FRMD4A: variants seen among roughly 807,000 people sequenced by gnomAD.
FRMD4A encodes FERM domain containing 4A.
In FRMD4A, 29 loss-of-function variants were observed where a neutral mutation model predicts 129.1. The ratio of observed to expected loss-of-function variants is 0.22; its 90% CI spans 0.17 to 0.31. FRMD4A has a LOEUF of 0.31. FRMD4A is among the 10% of genes least tolerant of loss of function. FRMD4A has a pLI of 1.00. For missense variants in FRMD4A, 1,272 were observed against 1,375.8 expected (o/e 0.92, Z 1.19); for synonymous variants, 634 against 571.6 (o/e 1.11, Z -1.56).
At chr10:14,238,342 T>TG (rs753921038) in intron 2 of FRMD4A, among the ~76,000 whole-genome samples, 48 of 152,210 alleles carry the variant, frequency 3.2e-4, no homozygotes, top group Non-Finnish European at 5.1e-4. Flanking sequence ...AGTCCAGGCC[T>TG]GAGTCTTAAC....
chr10:14,132,057 G>A (rs1323039273), intron 2 of FRMD4A, among the ~76,000 whole-genome samples: 5 of 152,150 alleles, frequency 3.3e-5, no homozygotes, highest in East Asian at 1.9e-4. Flanking sequence ...AGGCCAAGAC[G>A]GGCAAATTAC....
chr10:13,707,926 T>A, intron 12 of FRMD4A: 1 of 981,462 alleles, frequency 1.0e-6, no homozygotes, highest in Non-Finnish European at 1.2e-6. Flanking sequence ...TGGAAGTAAT[T>A]AGGGCTGCAT....
At chr10:13,841,002 G>C (rs2130974477) in intron 3 of FRMD4A, among the ~76,000 whole-genome samples, 1 of 152,154 alleles carries the variant, frequency 6.6e-6, no homozygotes, top group East Asian at 1.9e-4. Flanking sequence ...AAGCTACTAG[G>C]GAGGCTGAGG....
intron 3 of FRMD4A, among the ~76,000 whole-genome samples, chr10:13,812,775 G>A (rs1239058100): frequency 2.6e-5 from 4 of 152,202 alleles, no homozygotes; most frequent in Non-Finnish European, 5.9e-5. Context: ...GACAGGAATG[G>A]ACAGGAGAAC....
intron 2 of FRMD4A, among the ~76,000 whole-genome samples, chr10:14,175,620 G>A (rs1841694659): frequency 6.6e-6 from 1 of 151,130 alleles, no homozygotes; most frequent in African/African-American, 2.4e-5. Context: ...GAACTACTGG[G>A]TTCAAGAGAT....
rs747364370 is a variant in FRMD4A at position 13,884,208 on chromosome 10, T to TCACA, written c.46-25300_46-25297dup. 3.0e-3 allele frequency among the ~76,000 whole-genome samples: 243 copies of TCACA among 81,740 alleles called. 6 individuals are homozygous for TCACA. Among genetic ancestry groups the TCACA allele is most frequent in the African/African-American group, 9.8e-3 (205 of 20,894 alleles). The allele number at this position is 81,740 out of a possible 152,430, so 53.6% of individuals were successfully genotyped here. The stretch of plus-strand genomic sequence containing the variant: ...CACACACACACACTCACACACACAC[T>TCACA]CACACACACACACACACACACACAC... On this transcript the variant is annotated intron_variant, in intron 2 of 24. Transcript: ENST00000357447.
chr10:13,791,614 G>A (rs953916206), intron 5 of FRMD4A, among the ~76,000 whole-genome samples: 2 of 152,172 alleles, frequency 1.3e-5, no homozygotes, highest in East Asian at 1.9e-4. Flanking sequence ...GGAAATGGAC[G>A]CGAAATTGCC....
chr10:13,992,079 G>A (rs1463299109), intron 2 of FRMD4A: 1 of 152,076 alleles, frequency 6.6e-6, no homozygotes, highest in Non-Finnish European at 1.5e-5. Context: ...ATAACATAAG[G>A]AACAAGATCT....
At chr10:13,985,521 G>T (rs1404133246) in intron 2 of FRMD4A, among the ~76,000 whole-genome samples, 1 of 152,248 alleles carries the variant, frequency 6.6e-6, no homozygotes, top group Non-Finnish European at 1.5e-5. Context: ...AGCCTGGAAA[G>T]CCAGGCATAT....
At chr10:13,861,168 G>A (rs1392864603) in intron 2 of FRMD4A, among the ~76,000 whole-genome samples, 1 of 152,280 alleles carries the variant, frequency 6.6e-6, no homozygotes, top group East Asian at 1.9e-4. Flanking sequence ...TGAGCTCCTG[G>A]AGACCAGGAG....
At chr10:13,991,065 G>A (rs1214533925) in intron 2 of FRMD4A, among the ~76,000 whole-genome samples, 2 of 152,172 alleles carry the variant, frequency 1.3e-5, no homozygotes, top group Non-Finnish European at 2.9e-5. Context: ...TCTGAAAGCC[G>A]CGGTTTTCCT....
At chr10:13,767,804 T>A (rs1030461268) in intron 6 of FRMD4A, among the ~76,000 whole-genome samples, 1 of 152,154 alleles carries the variant, frequency 6.6e-6, no homozygotes. Context: ...AAGCCCCCCG[T>A]GCTCTTGCGG....
At chr10:13,797,092 G>C (rs1213393956) in intron 4 of FRMD4A, among the ~76,000 whole-genome samples, 2 of 152,198 alleles carry the variant, frequency 1.3e-5, no homozygotes, top group African/African-American at 4.8e-5. Context: ...CGAGTCAGCA[G>C]TGGATACTGT....
chr10:13,764,184 C>CGTGTGTGTGTGT (rs369852562), intron 6 of FRMD4A, among the ~76,000 whole-genome samples: 118 of 141,694 alleles, frequency 8.3e-4, no homozygotes, highest in African/African-American at 2.5e-3. Context: ...CAAAGATTTC[C>CGTGTGTGTGTGT]GTGTGTGTGT....
At chr10:13,948,795 G>A (rs1429350878) in intron 2 of FRMD4A, among the ~76,000 whole-genome samples, 1 of 151,622 alleles carries the variant, frequency 6.6e-6, no homozygotes, top group Non-Finnish European at 1.5e-5. Flanking sequence ...GGGACTACAG[G>A]TGCGCACCAT....
chr10:14,121,408 A>C (rs1838508672), intron 2 of FRMD4A, among the ~76,000 whole-genome samples: 2 of 152,052 alleles, frequency 1.3e-5, no homozygotes, highest in African/African-American at 4.8e-5. Flanking sequence ...CAAACAAAAA[A>C]CACAGATTCT....
At chr10:13,701,624 C>T in intron 13 of FRMD4A, 146 bp from the exon 14 acceptor site, 2 of 504,956 alleles carry the variant, frequency 4.0e-6, no homozygotes, top group Non-Finnish European at 7.0e-6. Context: ...CCTAGGCGTA[C>T]ACACACACAC....
At chr10:13,862,394 T>A (rs956922458) in intron 2 of FRMD4A, among the ~76,000 whole-genome samples, 1 of 152,192 alleles carries the variant, frequency 6.6e-6, no homozygotes, top group African/African-American at 2.4e-5. Context: ...AAGTTCACAC[T>A]CACACTTAAA....
intron 2 of FRMD4A, among the ~76,000 whole-genome samples, chr10:14,294,626 A>G (rs1325168430): frequency 6.6e-6 from 1 of 152,246 alleles, no homozygotes; most frequent in African/African-American, 2.4e-5. Flanking sequence ...TAATAAAGAC[A>G]TAAAGGCGTT....
Sources: allele counts gnomAD v4.1 joint callset (sites outside exome capture counted in the v4.1 genomes callset), GRCh38; gene constraint gnomAD v4.1.1; transcripts MANE v1.5; gene names NCBI Gene and HGNC (gene_info 2026-07-23, HGNC 2026-07-21).